GRB10: variants seen among roughly 807,000 people sequenced by gnomAD.
GRB10 encodes growth factor receptor bound protein 10.
A neutral mutation model predicts 80.9 loss-of-function variants in GRB10; 20 were observed. The observed-to-expected ratio is 0.25, with a 90% CI of 0.17 to 0.36. The LOEUF is 0.36. Among genes scored for constraint, GRB10 ranks in the 10% least tolerant of loss-of-function variants. GRB10 has a pLI of 1.00. For missense variants in GRB10, 548 were observed against 747.7 expected, an observed-to-expected ratio of 0.73 and a Z score of 3.12; for synonymous variants, 291 against 291.5, an observed-to-expected ratio of 1.00 and a Z score of 0.02.
chr7:50,604,452 T>G, intron 15 of GRB10, 75 bp from the exon 16 acceptor site: 4 of 1,270,212 alleles, frequency 3.1e-6, no homozygotes, highest in Non-Finnish European at 3.5e-6. Flanking sequence ...TCCAAGCTCA[T>G]GGCAGGCCAC....
At chr7:50,639,925 T>C (rs544934257) in intron 7 of GRB10, among the ~76,000 whole-genome samples, 22 of 152,230 alleles carry the variant, frequency 1.4e-4, no homozygotes, top group Admixed American at 4.6e-4. Context: ...TAAAATAGAA[T>C]CATTTTGTCA....
At chr7:50,677,804 G>T (rs1216793190) in intron 5 of GRB10, among the ~76,000 whole-genome samples, 1 of 152,190 alleles carries the variant, frequency 6.6e-6, no homozygotes. Context: ...GTCAGTCTTG[G>T]GTGATGCAGG....
intron 6 of GRB10, among the ~76,000 whole-genome samples, chr7:50,672,671 T>G (rs967253807): frequency 1.3e-5 from 2 of 152,100 alleles, no homozygotes; most frequent in Non-Finnish European, 2.9e-5. Flanking sequence ...CAGCCAGAAC[T>G]CGAGGTTCAA....
chr7:50,786,131 T>G (rs1051655528), upstream of GRB10, among the ~76,000 whole-genome samples: 3 of 151,732 alleles, frequency 2.0e-5, no homozygotes, highest in Non-Finnish European at 4.4e-5. Context: ...AAATTCAAAA[T>G]GAAAATAGAA....
chr7:50,598,937 T>C (rs1319290649), intron 17 of GRB10, among the ~76,000 whole-genome samples: 1 of 128,794 alleles, frequency 7.8e-6, no homozygotes, highest in South Asian at 2.6e-4. Context: ...GGCTGGACCA[T>C]GAGTGTGGGC....
intron 1 of GRB10, among the ~76,000 whole-genome samples, chr7:50,790,504 G>A (rs1588147055): frequency 6.6e-6 from 1 of 152,234 alleles, no homozygotes; most frequent in South Asian, 2.1e-4. Context: ...ACAATGCCAC[G>A]TTGGTTTAAT....
chr7:50,764,818 A>G (rs980270377), intron 2 of GRB10, among the ~76,000 whole-genome samples: 1 of 152,234 alleles, frequency 6.6e-6, no homozygotes, highest in Non-Finnish European at 1.5e-5. Context: ...AGCACCAGGA[A>G]TAAGCAACAC....
At chr7:50,787,588 G>A (rs770712326), upstream of GRB10, among the ~76,000 whole-genome samples, 3 of 152,004 alleles carry the variant, frequency 2.0e-5, no homozygotes, top group Non-Finnish European at 4.4e-5. Context: ...GTCAGGACAG[G>A]GACAGCCTGT....
intron 7 of GRB10, among the ~76,000 whole-genome samples, chr7:50,654,136 T>C (rs2058354944): frequency 1.3e-5 from 2 of 152,166 alleles, no homozygotes; most frequent in African/African-American, 4.8e-5. Context: ...GCCAACAGAA[T>C]TATGAGTATT....
At chr7:50,684,207 C>T (rs2061848650) in intron 5 of GRB10, among the ~76,000 whole-genome samples, 1 of 116,990 alleles carries the variant, frequency 8.5e-6, no homozygotes, top group South Asian at 2.9e-4. Context: ...AAGTCTAGGA[C>T]AAACTTCAGA....
intron 13 of GRB10, among the ~76,000 whole-genome samples, chr7:50,612,401 C>T (rs890895158): frequency 2.6e-5 from 4 of 152,082 alleles, no homozygotes; most frequent in Non-Finnish European, 4.4e-5. Context: ...GCCGGGCGTG[C>T]GACTGGCATC....
intron 1 of GRB10, chr7:50,792,954 G>C (rs2078997086): frequency 6.8e-6 from 1 of 146,824 alleles, no homozygotes; most frequent in African/African-American, 2.5e-5. Context: ...AGAGCCCCGC[G>C]GGGCGCCCGG....
chr7:50,737,309 T>C (rs1486032857), intron 3 of GRB10, among the ~76,000 whole-genome samples: 1 of 152,200 alleles, frequency 6.6e-6, no homozygotes, highest in Non-Finnish European at 1.5e-5. Context: ...TGCTATCTCA[T>C]GATAAAGGTC....
At position 50,788,026 on chromosome 7, in the gene GRB10, G is replaced by T. The variant is rs538172231; in HGVS notation, c.-294+5198C>A. Among the ~76,000 whole-genome samples the T allele has an allele frequency of 7.0e-4, 107 of 152,104 alleles. 1 individual carries two copies. Among genetic ancestry groups the T allele is most frequent in the South Asian group, 4.4e-3 (21 of 4,824 alleles). ...GTCTAGGAACAGCGATCTCAAGCAG[G>T]GCCCCAGGCTCAGCACCAGGCACTG... On this transcript the variant is annotated intron_variant, in intron 1 of 16. Coordinates refer to the GRB10 transcript ENST00000335866.
chr7:50,720,596 C>A (rs2153684526), intron 4 of GRB10, among the ~76,000 whole-genome samples: 1 of 152,178 alleles, frequency 6.6e-6, no homozygotes, highest in African/African-American at 2.4e-5. Context: ...ACAGTGAAAG[C>A]AAGTCATCCC....
chr7:50,755,511 G>A (rs2153703119), intron 3 of GRB10, among the ~76,000 whole-genome samples: 1 of 152,256 alleles, frequency 6.6e-6, no homozygotes, highest in South Asian at 2.1e-4. Context: ...ACCAACTCCT[G>A]AGGCTCACGA....
chr7:50,684,320 G>A (rs1181342359), intron 5 of GRB10, among the ~76,000 whole-genome samples: 1 of 92,538 alleles, frequency 1.1e-5, no homozygotes, highest in East Asian at 3.9e-4. Flanking sequence ...TCTGTACTTT[G>A]ATTCCAGTGA....
chr7:50,731,014 G>C (rs1270266273), intron 4 of GRB10, among the ~76,000 whole-genome samples: 1 of 152,182 alleles, frequency 6.6e-6, no homozygotes, highest in African/African-American at 2.4e-5. Context: ...GGCCACACGA[G>C]AACTGGACTT....
At chr7:50,717,252 T>C (rs1331493806) in intron 4 of GRB10, among the ~76,000 whole-genome samples, 1 of 152,212 alleles carries the variant, frequency 6.6e-6, no homozygotes. Context: ...TCACCATTCC[T>C]TCCACTCAGA....
Sources: allele counts gnomAD v4.1 joint callset (sites outside exome capture counted in the v4.1 genomes callset), GRCh38; gene constraint gnomAD v4.1.1; transcripts MANE v1.5; gene names NCBI Gene and HGNC (gene_info 2026-07-23, HGNC 2026-07-21).